Variants in GPNMB observed in about 807,000 individuals in gnomAD.
The protein encoded by GPNMB is glycoprotein nmb, also known as transmembrane glycoprotein NMB.
A neutral mutation model predicts 57.3 loss-of-function variants in GPNMB; 71 were observed. The ratio of observed to expected loss-of-function variants is 1.24; its 90% CI spans 1.02 to 1.51. The LOEUF is 1.51. GPNMB is among the 40% of genes most tolerant of loss of function. The probability of loss-of-function intolerance (pLI) is 0.00; values close to 1 mark genes in which losing one functional copy is unlikely to be tolerated. For synonymous variants in GPNMB, 253 were observed against 263.2 expected (o/e 0.96, Z 0.38); for missense variants, 677 against 691.9 (o/e 0.98, Z 0.24).
intron 4 of GPNMB, among the ~76,000 whole-genome samples, chr7:23,258,522 C>T (rs1010627441): frequency 3.3e-5 from 5 of 152,194 alleles, no homozygotes; most frequent in African/African-American, 4.8e-5. Flanking sequence ...CACTAACACT[C>T]GCCGACTCTT....
At chr7:23,260,411 A>C in intron 5 of GPNMB, 45 bp from the exon 6 acceptor site, 3 of 1,433,310 alleles carry the variant, frequency 2.1e-6, no homozygotes, top group Non-Finnish European at 2.9e-6. Flanking sequence ...ACTTACAATC[A>C]AGCAATCATG....
intron 9 of GPNMB, 36 bp from the exon 10 acceptor site, chr7:23,273,484 GA>G: frequency 7.4e-7 from 1 of 1,343,310 alleles, no homozygotes; most frequent in Non-Finnish European, 1.1e-6. Context: ...CCTCTAGGTG[GA>G]AGACATAACT....
In GPNMB at chr7:23,264,138, C is replaced by T. The variant is rs1583830039; in HGVS notation, c.1019-2379C>T. 1.3e-5 allele frequency among the ~76,000 whole-genome samples: 2 copies of T among 149,072 alleles called. 1 individual carries two copies. The highest frequency in any genetic ancestry group is 3.0e-5 in the Non-Finnish European group (2 of 67,512). ...CCTTTTGTAAGACTGATGCTAATTA[C>T]TGTAATACTCTCTCTATATATAAAA... On this transcript the variant is annotated intron_variant, in intron 6 of 10. Coordinates refer to ENST00000258733, the MANE Select transcript of GPNMB (RefSeq NM_002510.3).
At chr7:23,271,300 C>T (rs750786483) in intron 9 of GPNMB, among the ~76,000 whole-genome samples, 6 of 152,196 alleles carry the variant, frequency 3.9e-5, no homozygotes, top group Non-Finnish European at 8.8e-5. Flanking sequence ...ACTGAGGACC[C>T]GTACCAGTAC....
chr7:23,264,192 G>A (rs539667759), intron 6 of GPNMB, among the ~76,000 whole-genome samples: 217 of 151,020 alleles, frequency 1.4e-3, no homozygotes, highest in Non-Finnish European at 2.2e-3. Flanking sequence ...AACTTTCCCA[G>A]AGAATCAAGA....
Position 23,260,680 on chromosome 7 carries a change from T to G in GPNMB, c.925T>G (p.Phe309Val), listed in dbSNP as rs1273001746. The G allele has an allele frequency of 1.2e-6, 2 of 1,613,758 alleles. No individual in the cohort carries two copies. Among genetic ancestry groups the G allele is most frequent in the African/African-American group, 2.7e-5 (2 of 74,900 alleles). Residue 309 changes from phenylalanine (F) to valine (V), a missense_variant, in exon 6 of 11, where the codon TTC becomes GTC. Phe to Val is a conservative substitution (Grantham distance 50, BLOSUM62 -1). Transcript: ENST00000258733. Reference sequence around the variant, plus strand: ...TCACACGTATGTGCTCAATGGAACCTTCAGCCTTAACCTCACTGTGAAAGC... The same window carrying G: ...TCACACGTATGTGCTCAATGGAACCGTCAGCCTTAACCTCACTGTGAAAGC... ...VNHTYVLNGT[F>V]SLNLTVKAAA... is the part of the protein sequence containing the mutation.
At chr7:23,265,009 G>A (rs1783023807) in intron 6 of GPNMB, among the ~76,000 whole-genome samples, 1 of 152,172 alleles carries the variant, frequency 6.6e-6, no homozygotes, top group Admixed American at 6.6e-5. Flanking sequence ...ATTTCCAGAG[G>A]ACTAATATGA....
At chr7:23,271,148 C>T (rs1051951614) in intron 9 of GPNMB, among the ~76,000 whole-genome samples, 1 of 152,204 alleles carries the variant, frequency 6.6e-6, no homozygotes, top group Non-Finnish European at 1.5e-5. Context: ...CAACCTAGCT[C>T]TCTCGCATGT....
intron 6 of GPNMB, 81 bp from the exon 7 acceptor site, chr7:23,266,436 T>C (rs1783062660): frequency 6.9e-7 from 1 of 1,453,066 alleles, no homozygotes; most frequent in Non-Finnish European, 9.5e-7. Flanking sequence ...AAATGGCAAA[T>C]GTTTAGATTT....
chr7:23,273,299 C>T (rs542139723), intron 9 of GPNMB: 5 of 498,752 alleles, frequency 1.0e-5, no homozygotes, highest in Non-Finnish European at 1.8e-5. Context: ...ATCTCTCCCC[C>T]GCGCCCTTAC....
intron 6 of GPNMB, among the ~76,000 whole-genome samples, chr7:23,261,609 C>T (rs1202298385): frequency 6.6e-6 from 1 of 151,916 alleles, no homozygotes; most frequent in Admixed American, 6.6e-5. Context: ...GGGCGGGGAA[C>T]ATCACACACC....
intron 6 of GPNMB, among the ~76,000 whole-genome samples, chr7:23,265,865 T>C (rs1179187955): frequency 6.6e-6 from 1 of 150,540 alleles, no homozygotes; most frequent in Non-Finnish European, 1.5e-5. Context: ...GAGCCCAGAA[T>C]ACCTGCTTCC....
chr7:23,271,942 T>G (rs1166985553), intron 9 of GPNMB, among the ~76,000 whole-genome samples: 1 of 152,236 alleles, frequency 6.6e-6, no homozygotes, highest in Non-Finnish European at 1.5e-5. Flanking sequence ...GGGCTTATTG[T>G]TGGTGATATC....
chr7:23,270,402 T>C (rs1783174203), intron 9 of GPNMB, among the ~76,000 whole-genome samples: 1 of 152,132 alleles, frequency 6.6e-6, no homozygotes, highest in Non-Finnish European at 1.5e-5. Context: ...GAAAAGCCTT[T>C]TGATGAAAAA....
chr7:23,258,449 C>T (rs190883233), intron 4 of GPNMB, among the ~76,000 whole-genome samples: 1 of 152,306 alleles, frequency 6.6e-6, no homozygotes, highest in Admixed American at 6.5e-5. Flanking sequence ...ACTCACCAAA[C>T]ATTTCTTTGA....
At chr7:23,251,160 G>A (rs967516459) in intron 1 of GPNMB, among the ~76,000 whole-genome samples, 7 of 152,104 alleles carry the variant, frequency 4.6e-5, no homozygotes, top group South Asian at 2.1e-4. Context: ...CCATGACTCC[G>A]ACTTTGCTGC....
chr7:23,257,862 T>G (rs1232811449), intron 4 of GPNMB: 1 of 152,234 alleles, frequency 6.6e-6, no homozygotes, highest in Non-Finnish European at 1.5e-5. Context: ...CCAGAGATTA[T>G]AATTGTTAAT....
At chr7:23,267,795 C>A (rs944937332) in intron 7 of GPNMB, 91 bp from the exon 8 acceptor site, 1 of 919,610 alleles carries the variant, frequency 1.1e-6, no homozygotes, top group Non-Finnish European at 1.8e-6. Flanking sequence ...CGGAGGGACA[C>A]AAACATTCAA....
intron 4 of GPNMB, chr7:23,257,369 A>G (rs558926881): frequency 3.8e-5 from 21 of 549,162 alleles, no homozygotes; most frequent in Non-Finnish European, 5.8e-5. Flanking sequence ...GCTAACACTT[A>G]TTTATTTGAA....
Sources: allele counts gnomAD v4.1 joint callset (sites outside exome capture counted in the v4.1 genomes callset), GRCh38; gene constraint gnomAD v4.1.1; transcripts MANE v1.5; gene names NCBI Gene and HGNC (gene_info 2026-07-23, HGNC 2026-07-21).